The following CFAP47 variants were observed in gnomAD, a reference collection of about 807,000 sequenced individuals.
CFAP47 encodes the protein cilia and flagella associated protein 47, also known as cilia- and flagella-associated protein 47.
A neutral mutation model predicts 148.1 loss-of-function variants in CFAP47; 29 were observed. The ratio of observed to expected loss-of-function variants is 0.20; its 90% CI spans 0.15 to 0.27. CFAP47 has a LOEUF of 0.27. Among genes scored for constraint, CFAP47 ranks in the 10% least tolerant of loss-of-function variants. The pLI is 1.00. For synonymous variants in CFAP47, 664 were observed against 577.3 expected (o/e 1.15, Z -2.15); for missense variants, 1,872 against 1,697.5 (o/e 1.10, Z -1.81).
At position 36,280,493 on chromosome X, in the gene CFAP47, T is replaced by G; in HGVS notation, c.7451T>G (p.Ile2484Ser). ...PWKRGILKGT[I>S]TFSTTRRCTT... ...TTGTACTTATGTGTTGTAGGTACAA[T>G]TACATTTTCTACTACAAGAAGATGT... Residue 2484 changes from isoleucine to serine, a missense_variant, in exon 50 of 64, where the codon ATT becomes AGT. Coordinates refer to ENST00000378653, the MANE Select transcript of CFAP47 (RefSeq NM_001304548.2). 2.0e-6 allele frequency: 1 copy of G among 504,574 alleles called. No homozygotes were observed. The highest frequency in any genetic ancestry group is 2.6e-5 in the South Asian group (1 of 38,285). The allele number at this position is 504,574 out of a possible 1,213,427, so 41.6% of individuals were successfully genotyped here. A position where few individuals can be genotyped will look rare whatever the true frequency, so the allele number is the denominator to read the frequency against.
intron 25 of CFAP47, among the ~76,000 whole-genome samples, chrX:36,046,356 T>C (rs1007031437): frequency 2.7e-5 from 3 of 110,634 alleles, no homozygotes; most frequent in African/African-American, 9.8e-5. Context: ...ATGTCAACAT[T>C]AAGTGGAATT....
intron 29 of CFAP47, among the ~76,000 whole-genome samples, chrX:36,081,715 G>T (rs905806856): frequency 9.0e-6 from 1 of 111,308 alleles, no homozygotes; most frequent in Admixed American, 9.6e-5. Context: ...ATGATTCACC[G>T]CATGTAAGGA....
At chrX:36,246,953 T>G (rs782459588) in intron 48 of CFAP47, among the ~76,000 whole-genome samples, 1 of 111,252 alleles carries the variant, frequency 9.0e-6, no homozygotes, top group African/African-American at 3.3e-5. Flanking sequence ...CAAATCACTC[T>G]ACCAAAAAGA....
intron 49 of CFAP47, among the ~76,000 whole-genome samples, chrX:36,272,610 A>G (rs782679526): frequency 9.0e-6 from 1 of 110,794 alleles, no homozygotes; most frequent in Non-Finnish European, 1.9e-5. Context: ...CTCATCTTAA[A>G]AAAATCTTTA....
At chrX:36,230,535 A>G (rs59070825) in intron 46 of CFAP47, among the ~76,000 whole-genome samples, 15,040 of 92,044 alleles carry the variant, frequency 0.16, 2,899 homozygotes, top group African/African-American at 0.47. Context: ...AGTAGGTTGC[A>G]AAAATTTTCT....
intron 48 of CFAP47, among the ~76,000 whole-genome samples, chrX:36,244,326 C>T (rs1488064927): frequency 9.1e-6 from 1 of 110,401 alleles, no homozygotes; most frequent in African/African-American, 3.3e-5. Context: ...CCCAGTGAAA[C>T]TAGAAAAAAA....
chrX:36,050,886 C>G (rs1369341299), intron 26 of CFAP47, among the ~76,000 whole-genome samples: 1 of 112,018 alleles, frequency 8.9e-6, no homozygotes, highest in Non-Finnish European at 1.9e-5. Context: ...GCCCTGTGTC[C>G]CAGCTGCTCC....
At chrX:36,209,877 T>C (rs1263219922) in intron 45 of CFAP47, among the ~76,000 whole-genome samples, 2 of 111,307 alleles carry the variant, frequency 1.8e-5, no homozygotes, top group African/African-American at 6.5e-5. Context: ...AACCCAGTAC[T>C]CTTTAGGTAC....
At position 35,975,279 on chromosome X, in the gene CFAP47, A is replaced by T; in HGVS notation, c.2387A>T (p.Asn796Ile). Residue 796 changes from asparagine (N) to isoleucine (I), a missense_variant, in exon 14 of 64, where the codon AAC (asparagine) becomes ATC (isoleucine). Coordinates refer to ENST00000378653, the MANE Select transcript of CFAP47 (RefSeq NM_001304548.2). ...GATTTAGAAGAACTTCAGAAGACCAACCAATTTTCATACGTGATTCTACCT... is the reference window on the plus strand; with the variant it reads ...GATTTAGAAGAACTTCAGAAGACCATCCAATTTTCATACGTGATTCTACCT... ...DTDLEELQKT[N>I]QFSYVILPTS... 2.5e-6 allele frequency: 3 copies of T among 1,206,977 alleles called. No homozygotes were observed. Among genetic ancestry groups the T allele is most frequent in the Non-Finnish European group, 2.2e-6 (2 of 891,552 alleles).
intron 21 of CFAP47, among the ~76,000 whole-genome samples, chrX:36,006,423 C>A (rs928181391): frequency 9.0e-6 from 1 of 111,558 alleles, no homozygotes; most frequent in Admixed American, 9.6e-5. Context: ...AGACAGCACA[C>A]CCTTTGAGAA....
At chrX:36,184,992 T>C (rs1443437140) in intron 40 of CFAP47, among the ~76,000 whole-genome samples, 1 of 111,627 alleles carries the variant, frequency 9.0e-6, no homozygotes, top group Non-Finnish European at 1.9e-5. Flanking sequence ...AATATTTCTT[T>C]TTACTATGCT....
chrX:36,280,203 C>T (rs1941063600), intron 49 of CFAP47, among the ~76,000 whole-genome samples: 1 of 110,408 alleles, frequency 9.1e-6, no homozygotes, highest in Admixed American at 9.7e-5. Flanking sequence ...AAAGTTGATG[C>T]ATTTATATTA....
intron 57 of CFAP47, among the ~76,000 whole-genome samples, chrX:36,329,943 A>G (rs782089521): frequency 1.8e-5 from 2 of 112,060 alleles, no homozygotes; most frequent in Non-Finnish European, 3.8e-5. Context: ...CTGGCATGAT[A>G]ATCTAATTTT....
chrX:35,936,451 T>A (rs1935912982), intron 2 of CFAP47, among the ~76,000 whole-genome samples: 1 of 110,741 alleles, frequency 9.0e-6, no homozygotes, highest in Admixed American at 9.6e-5. Context: ...GCATTTTTTT[T>A]TTTTTTTTGG....
chrX:36,219,803 T>C (rs1441024379), intron 45 of CFAP47, among the ~76,000 whole-genome samples: 1 of 111,540 alleles, frequency 9.0e-6, no homozygotes, highest in African/African-American at 3.3e-5. Context: ...ACTGAACCAA[T>C]GCACATCTTA....
intron 2 of CFAP47, among the ~76,000 whole-genome samples, chrX:35,940,209 G>A (rs1601888323): frequency 9.0e-6 from 1 of 111,243 alleles, no homozygotes; most frequent in East Asian, 2.9e-4. Context: ...TTTGTCAGCT[G>A]AGTAGGTTGC....
In CFAP47 at chrX:36,211,141, A is replaced by G. The variant is rs181192844; in HGVS notation, c.6817+6031A>G. The G allele has an allele frequency of 1.1e-3, 275 of 258,480 alleles. 1 individual carries two copies. Among genetic ancestry groups the G allele is most frequent in the African/African-American group, 7.5e-3 (258 of 34,585 alleles). 21.3% of individuals were successfully genotyped at this position (258,480 alleles called of 1,213,427 possible). A position where few individuals can be genotyped will look rare whatever the true frequency, so the allele number is the denominator to read the frequency against. ...GGGCAAAAGAGACCCTAAGCAGCCA[A>G]GAGGCAAAATGTCATCATATGCATT... On this transcript the variant is annotated intron_variant, in intron 45 of 63. Transcript: ENST00000378653.
At chrX:36,011,463 T>G (rs1937037827) in intron 21 of CFAP47, among the ~76,000 whole-genome samples, 1 of 112,038 alleles carries the variant, frequency 8.9e-6, no homozygotes, top group African/African-American at 3.2e-5. Context: ...AAAGCTCTCC[T>G]ACTTTTATTT....
intron 10 of CFAP47, 26 bp from the exon 11 acceptor site, chrX:35,970,742 A>G (rs1413698336): frequency 9.0e-7 from 1 of 1,115,924 alleles, no homozygotes; most frequent in South Asian, 2.2e-5. Flanking sequence ...ATATAAAAAT[A>G]TTAACATGAC....
Sources: allele counts gnomAD v4.1 joint callset (sites outside exome capture counted in the v4.1 genomes callset), GRCh38; gene constraint gnomAD v4.1.1; transcripts MANE v1.5; gene names NCBI Gene and HGNC (gene_info 2026-07-23, HGNC 2026-07-21).